Variants in DOCK9 observed in about 807,000 individuals in gnomAD.
DOCK9 encodes dedicator of cytokinesis protein 9.
DOCK9 carries 89 observed loss-of-function variants against 263.3 expected under a neutral mutation model. The ratio of observed to expected loss-of-function variants is 0.34; its 90% CI spans 0.28 to 0.40. The LOEUF (loss-of-function observed/expected upper bound fraction) is 0.40, where lower values mean the gene tolerates loss of function less well. Among genes scored for constraint, DOCK9 ranks in the 10% least tolerant of loss-of-function variants. The probability of loss-of-function intolerance (pLI) is 1.00; values close to 1 mark genes in which losing one functional copy is unlikely to be tolerated. For missense variants in DOCK9, 2,140 were observed against 2,603.4 expected, an observed-to-expected ratio of 0.82 and a Z score of 3.87; for synonymous variants, 976 against 973.1, an observed-to-expected ratio of 1.00 and a Z score of -0.06.
intron 1 of DOCK9, among the ~76,000 whole-genome samples, chr13:99,085,870 G>A (rs1488392364): frequency 6.6e-6 from 1 of 151,620 alleles, no homozygotes; most frequent in Admixed American, 6.6e-5. Context: ...GGGATGCGGG[G>A]GAGGGGGGAG....
chr13:98,953,868 G>A (rs1340442367), intron 2 of DOCK9, among the ~76,000 whole-genome samples: 1 of 152,150 alleles, frequency 6.6e-6, no homozygotes, highest in African/African-American at 2.4e-5. Context: ...CCACACGAAT[G>A]GTCAATTTCA....
chr13:99,067,982 T>C (rs576973361), intron 1 of DOCK9, among the ~76,000 whole-genome samples: 39 of 151,560 alleles, frequency 2.6e-4, no homozygotes, highest in Admixed American at 1.2e-3. Context: ...TAGAGTTCCC[T>C]AAGCCTACAG....
At position 98,950,402 on chromosome 13, in the gene DOCK9, G is replaced by T. The variant is rs186018450; in HGVS notation, c.243+5033C>A. On this transcript the variant is annotated intron_variant, in intron 2 of 52. Transcript: ENST00000682017. ...GCTTGATAAGCCTTCCTCTTTTTCA[G>T]ATTTTCTAGAACCAAAGGGATTTTT... is the stretch of plus-strand genomic sequence containing the variant. 7.2e-5 allele frequency: 60 copies of T among 838,086 alleles called. No homozygotes were observed. In the East Asian group the frequency reaches 1.5e-3, roughly 20 times the overall value. 51.9% of individuals were successfully genotyped at this position (838,086 alleles called of 1,614,324 possible). A position where few individuals can be genotyped will look rare whatever the true frequency, so the allele number is the denominator to read the frequency against.
At chr13:98,854,902 T>C (rs1435090325) in intron 34 of DOCK9, among the ~76,000 whole-genome samples, 1 of 152,136 alleles carries the variant, frequency 6.6e-6, no homozygotes, top group South Asian at 2.1e-4. Context: ...TGAGGAAGGA[T>C]GTCTTCCGGG....
intron 3 of DOCK9, among the ~76,000 whole-genome samples, chr13:98,928,037 G>C (rs2053318658): frequency 6.7e-6 from 1 of 149,006 alleles, no homozygotes; most frequent in African/African-American, 2.5e-5. Context: ...AAACTCCACA[G>C]TGAACCTGGC....
intron 14 of DOCK9, 24 bp from the exon 15 acceptor site, chr13:98,897,634 T>C: frequency 6.2e-7 from 1 of 1,609,652 alleles, no homozygotes; most frequent in Non-Finnish European, 8.5e-7. Context: ...GCAACATTTC[T>C]AAACTGGGTT....
chr13:98,981,032 C>A (rs1877054065), upstream of DOCK9, among the ~76,000 whole-genome samples: 1 of 150,804 alleles, frequency 6.6e-6, no homozygotes, highest in South Asian at 2.1e-4. Context: ...GAAAATATAT[C>A]AAGTTGTAAA....
At chr13:99,025,760 A>G (rs1886632819) in intron 1 of DOCK9, among the ~76,000 whole-genome samples, 1 of 152,272 alleles carries the variant, frequency 6.6e-6, no homozygotes, top group African/African-American at 2.4e-5. Flanking sequence ...TCTTAGCAGC[A>G]CTGTTCATAA....
chr13:98,946,832 G>T (rs1260595515), intron 2 of DOCK9, among the ~76,000 whole-genome samples: 3 of 151,930 alleles, frequency 2.0e-5, no homozygotes, highest in Admixed American at 6.6e-5. Context: ...CCTTTCCTGG[G>T]ACCTCCCTAG....
Position 99,048,641 on chromosome 13 carries a change from T to G in DOCK9, c.129+37582A>C, listed in dbSNP as rs925756474. Among the ~76,000 whole-genome samples the G allele has an allele frequency of 7.9e-5, 12 of 152,288 alleles. No homozygotes were observed. In the East Asian group the frequency reaches 1.9e-3, roughly 24 times the overall value. On this transcript the variant is annotated intron_variant, in intron 1 of 32. Transcript: ENST00000427887. ...ACTGTAACATACAGATTTCTCAATTTTATCCTTTCCAAATATTTTCAACTG... is the reference window on the plus strand; with the variant it reads ...ACTGTAACATACAGATTTCTCAATTGTATCCTTTCCAAATATTTTCAACTG...
At position 98,950,415 on chromosome 13, in the gene DOCK9, C is replaced by G. The variant is rs114621581; in HGVS notation, c.243+5020G>C. 3.0e-3 allele frequency: 2,312 copies of G among 782,700 alleles called. 41 individuals carry two copies. The African/African-American group carries it at 0.035, about 12-fold the overall frequency. 48.5% of individuals were successfully genotyped at this position (782,700 alleles called of 1,614,324 possible). ...TCCTCTTTTTCAGATTTTCTAGAAC[C>G]AAAGGGATTTTTCTTTGCTCTTGCT... On this transcript the variant is annotated intron_variant, in intron 2 of 52. Coordinates refer to ENST00000682017, the MANE Select transcript of DOCK9 (RefSeq NM_001366683.2).
chr13:98,985,105 G>A (rs796569472), intron 1 of DOCK9, among the ~76,000 whole-genome samples: 8 of 151,900 alleles, frequency 5.3e-5, no homozygotes, highest in African/African-American at 1.9e-4. Flanking sequence ...TGGGGCCTGC[G>A]CTCTCAGCTC....
intron 43 of DOCK9, among the ~76,000 whole-genome samples, chr13:98,827,758 G>A (rs2092602818): frequency 6.6e-6 from 1 of 152,170 alleles, no homozygotes; most frequent in Non-Finnish European, 1.5e-5. Context: ...TACAAAGCAG[G>A]GTCACATGCA....
Position 98,880,596 on chromosome 13 carries a change from G to A in DOCK9, c.2822C>T (p.Thr941Met), listed in dbSNP as rs373900973. Reference protein sequence around the residue: ...VHEELTKSMTTILKPSADFLT... With the variant: ...VHEELTKSMTMILKPSADFLT... The stretch of plus-strand genomic sequence containing the variant: ...GAAATCGGCAGAAGGCTTGAGAATC[G>A]TGGTCATGGATTTGGTCAGTTCTTC... Residue 941 changes from threonine to methionine, a missense_variant, in exon 26 of 53, where the codon ACG becomes ATG. By Grantham distance (81) the Thr-to-Met change is moderately conservative. Coordinates refer to ENST00000682017, the MANE Select transcript of DOCK9 (RefSeq NM_001366683.2). 3.1e-5 allele frequency: 50 copies of A among 1,613,782 alleles called. No individual in the cohort carries two copies. Among genetic ancestry groups the A allele is most frequent in the South Asian group, 9.9e-5 (9 of 91,044 alleles).
rs749324182 is a variant in DOCK9 at position 98,863,546 on chromosome 13, G to C, written c.3289C>G (p.Leu1097Val). ...GKGRIQRYQD[L>V]QLDYSLTDEF... ...TCTGTTAATGAGTAGTCAAGCTGGA[G>C]GTCTGAAATGAGGATAGAAACTACT... is the stretch of plus-strand genomic sequence containing the variant. The change falls in exon 31 of 53, where the codon CTC (leucine) becomes GTC (valine). Residue 1097 changes from leucine (L) to valine (V), a missense_variant and splice_region_variant. Around this residue, in one of 2 missense-constraint regions of DOCK9, gnomAD observed 1,521 missense variants for 1,741.7 expected, o/e 0.87. Coordinates refer to ENST00000682017, the MANE Select transcript of DOCK9 (RefSeq NM_001366683.2). 1 of 1,605,926 alleles carries C rather than the reference G, an allele frequency of 6.2e-7. No individual in the cohort carries two copies. The highest frequency in any genetic ancestry group is 8.5e-7 in the Non-Finnish European group (1 of 1,174,948).
chr13:99,034,484 TCA>T (rs1390274359), intron 1 of DOCK9, among the ~76,000 whole-genome samples: 1 of 152,226 alleles, frequency 6.6e-6, no homozygotes, highest in Non-Finnish European at 1.5e-5. Context: ...CCTGGTTCTG[TCA>T]GTTTCTGACT....
At chr13:99,027,498 C>T (rs1222060590) in intron 1 of DOCK9, among the ~76,000 whole-genome samples, 2 of 152,106 alleles carry the variant, frequency 1.3e-5, no homozygotes, top group Non-Finnish European at 2.9e-5. Flanking sequence ...GAGAAATCAA[C>T]GCATTAAACC....
chr13:98,803,390 G>T (rs2090339959), intron 49 of DOCK9, among the ~76,000 whole-genome samples: 1 of 152,232 alleles, frequency 6.6e-6, no homozygotes, highest in African/African-American at 2.4e-5. Flanking sequence ...TGACTCAGCA[G>T]TGAACTAGGT....
chr13:98,872,166 ACT>A (rs1254854609), intron 27 of DOCK9, among the ~76,000 whole-genome samples: 2 of 151,278 alleles, frequency 1.3e-5, no homozygotes, highest in Non-Finnish European at 2.9e-5. Flanking sequence ...GTGTTCTTCC[ACT>A]CTCTGGTGTG....
Sources: allele counts gnomAD v4.1 joint callset (sites outside exome capture counted in the v4.1 genomes callset), GRCh38; gene constraint gnomAD v4.1.1; regional missense constraint gnomAD v4.1.1; transcripts MANE v1.5; gene names NCBI Gene and HGNC (gene_info 2026-07-23, HGNC 2026-07-21).